DLG2: variants seen among roughly 807,000 people sequenced by gnomAD.
DLG2 encodes disks large homolog 2.
DLG2 carries 45 observed loss-of-function variants against 132.5 expected under a neutral mutation model. The ratio of observed to expected loss-of-function variants is 0.34; its 90% CI spans 0.27 to 0.44. The LOEUF (loss-of-function observed/expected upper bound fraction) is 0.44, where lower values mean the gene tolerates loss of function less well. Ranked by LOEUF, DLG2 falls within the 20% of genes least tolerant of loss-of-function variation. The pLI is 1.00. For missense variants in DLG2, 1,045 were observed against 1,196.9 expected (o/e 0.87, Z 1.87); for synonymous variants, 424 against 419.6 (o/e 1.01, Z -0.13).
intron 18 of DLG2, among the ~76,000 whole-genome samples, chr11:83,697,845 A>G (rs2082198096): frequency 6.6e-6 from 1 of 152,208 alleles, no homozygotes; most frequent in African/African-American, 2.4e-5. Flanking sequence ...ATATTGAGAT[A>G]CCAGCTGGTA....
At chr11:84,967,079 T>C (rs1370426901) in intron 6 of DLG2, among the ~76,000 whole-genome samples, 1 of 152,098 alleles carries the variant, frequency 6.6e-6, no homozygotes, top group Non-Finnish European at 1.5e-5. Context: ...AAAAACATCA[T>C]TTTAAATAAC....
At chr11:85,159,059 C>T (rs1391247715) in intron 4 of DLG2, among the ~76,000 whole-genome samples, 1 of 152,120 alleles carries the variant, frequency 6.6e-6, no homozygotes, top group Non-Finnish European at 1.5e-5. Flanking sequence ...CTCTCTCCTT[C>T]CCCAAGGAGA....
At chr11:85,473,373 T>G (rs1409300267) in intron 3 of DLG2, among the ~76,000 whole-genome samples, 1 of 152,140 alleles carries the variant, frequency 6.6e-6, no homozygotes, top group Non-Finnish European at 1.5e-5. Context: ...TTTTGCCCAG[T>G]TAAATAATTA....
intron 3 of DLG2, among the ~76,000 whole-genome samples, chr11:85,454,782 T>G (rs187992015): frequency 2.0e-5 from 3 of 152,320 alleles, no homozygotes; most frequent in African/African-American, 4.8e-5. Context: ...ATTTATTGAA[T>G]AGCAAGTCCT....
At chr11:84,619,765 ATATT>A (rs2099610748) in intron 6 of DLG2, among the ~76,000 whole-genome samples, 1 of 151,754 alleles carries the variant, frequency 6.6e-6, no homozygotes, top group African/African-American at 2.4e-5. Flanking sequence ...TAAATGTAAA[ATATT>A]TAAGGAAGAA....
At chr11:83,625,032 T>C (rs1480028252) in intron 19 of DLG2, among the ~76,000 whole-genome samples, 2 of 152,212 alleles carry the variant, frequency 1.3e-5, no homozygotes. Flanking sequence ...TGCTGCAACA[T>C]ATCATAGTCA....
intron 3 of DLG2, among the ~76,000 whole-genome samples, chr11:85,371,193 G>T (rs986490733): frequency 1.3e-5 from 2 of 152,180 alleles, no homozygotes; most frequent in Non-Finnish European, 2.9e-5. Flanking sequence ...CAGGACTCAT[G>T]AAGAGCTGAA....
chr11:84,447,637 TTTTTTCTTTC>T (rs2099039237), intron 7 of DLG2, among the ~76,000 whole-genome samples: 1 of 152,060 alleles, frequency 6.6e-6, no homozygotes, highest in South Asian at 2.1e-4. Flanking sequence ...TTATGAGTAG[TTTTTTCTTTC>T]TTTTTCTTTT....
rs140154691 is a variant in DLG2, at chr11:84,230,898, T to C, written c.573+20340A>G. Among the ~76,000 whole-genome samples the C allele has an allele frequency of 2.3e-3, 357 of 152,276 alleles. 1 individual carries two copies. Among genetic ancestry groups the C allele is most frequent in the African/African-American group, 8.1e-3 (336 of 41,572 alleles). On this transcript the variant is annotated intron_variant, in intron 8 of 27. Coordinates refer to ENST00000376104, the MANE Select transcript of DLG2 (RefSeq NM_001142699.3). Reference sequence around the variant, plus strand: ...TTGGTTATAGTGGAAATACAAGAACTTGAAGAATAAAAAGAATAAACTTCT... The same window carrying C: ...TTGGTTATAGTGGAAATACAAGAACCTGAAGAATAAAAAGAATAAACTTCT...
chr11:85,186,489 T>C (rs1325916287), intron 4 of DLG2, among the ~76,000 whole-genome samples: 1 of 152,042 alleles, frequency 6.6e-6, no homozygotes, highest in East Asian at 1.9e-4. Context: ...TCAATACAAG[T>C]TTTGTGGAAT....
At chr11:85,351,943 T>C (rs189436269) in intron 3 of DLG2, among the ~76,000 whole-genome samples, 16 of 152,326 alleles carry the variant, frequency 1.1e-4, no homozygotes, top group Non-Finnish European at 1.9e-4. Context: ...TAGGGAGGAT[T>C]CTCTCTTTTG....
At chr11:84,532,408 G>C (rs574493401) in intron 7 of DLG2, among the ~76,000 whole-genome samples, 1 of 152,118 alleles carries the variant, frequency 6.6e-6, no homozygotes, top group South Asian at 2.1e-4. Flanking sequence ...TACCTACTTA[G>C]CCTAAAGTTC....
intron 18 of DLG2, among the ~76,000 whole-genome samples, chr11:83,636,652 T>C (rs778045544): frequency 1.7e-4 from 26 of 152,182 alleles, no homozygotes; most frequent in South Asian, 2.1e-4. Context: ...CTATATACAA[T>C]CAACACTTTG....
intron 6 of DLG2, among the ~76,000 whole-genome samples, chr11:84,712,737 A>G (rs145684892): frequency 1.3e-5 from 2 of 152,262 alleles, no homozygotes; most frequent in East Asian, 1.9e-4. Context: ...TATGTGATCT[A>G]TCACTTAATT....
chr11:83,541,520 T>G (rs1216465752), intron 20 of DLG2, among the ~76,000 whole-genome samples, 162 bp downstream of exon 20: 2 of 152,198 alleles, frequency 1.3e-5, no homozygotes. Context: ...AAGAGGATTT[T>G]TAATTCATGT....
At chr11:84,737,228 G>T (rs1233646759) in intron 6 of DLG2, among the ~76,000 whole-genome samples, 2 of 151,878 alleles carry the variant, frequency 1.3e-5, no homozygotes, top group East Asian at 3.9e-4. Context: ...TATAATTTTA[G>T]TGTACTACTG....
At position 85,368,551 on chromosome 11, in the gene DLG2, T is replaced by C. The variant is rs369349515; in HGVS notation, c.41-83186A>G. On this transcript the variant is annotated intron_variant, in intron 3 of 27. Transcript: ENST00000376104. ...CTCACCCGGAGTATTTCATTAATCTTCTGATGCATCTTCCTACTTTTTCTC... is the reference window on the plus strand; with the variant it reads ...CTCACCCGGAGTATTTCATTAATCTCCTGATGCATCTTCCTACTTTTTCTC... Among the ~76,000 whole-genome samples, 3 of 152,254 alleles carry C rather than the reference T, an allele frequency of 2.0e-5. No homozygotes were observed. In the East Asian group the frequency reaches 5.8e-4, roughly 29 times the overall value.
intron 19 of DLG2, among the ~76,000 whole-genome samples, chr11:83,577,999 T>A (rs1593600225): frequency 7.2e-6 from 1 of 139,324 alleles, no homozygotes; most frequent in Non-Finnish European, 1.5e-5. Context: ...ATATAATACA[T>A]CTACTTAACC....
At chr11:83,510,643 G>A (rs941546039) in intron 21 of DLG2, among the ~76,000 whole-genome samples, 6 of 152,124 alleles carry the variant, frequency 3.9e-5, no homozygotes, top group Non-Finnish European at 7.4e-5. Flanking sequence ...CAGGCCCCTT[G>A]TTTTCTGTCT....
Sources: allele counts gnomAD v4.1 joint callset (sites outside exome capture counted in the v4.1 genomes callset), GRCh38; gene constraint gnomAD v4.1.1; transcripts MANE v1.5; gene names NCBI Gene and HGNC (gene_info 2026-07-23, HGNC 2026-07-21).